The following EML4 variants were observed in gnomAD, a reference collection of about 807,000 sequenced individuals.
EML4 encodes echinoderm microtubule-associated protein-like 4.
In EML4, 72 loss-of-function variants were observed where a neutral mutation model predicts 129.0. The observed-to-expected ratio is 0.56, with a 90% CI of 0.46 to 0.68. The LOEUF (loss-of-function observed/expected upper bound fraction) is 0.68. Ranked by LOEUF, EML4 falls within the 30% of genes least tolerant of loss-of-function variation. The pLI, the probability that EML4 is intolerant of heterozygous loss-of-function variation, is 0.00. For synonymous variants in EML4, 532 were observed against 405.0 expected, an observed-to-expected ratio of 1.31 and a Z score of -3.77; for missense variants, 1,363 against 1,190.6, an observed-to-expected ratio of 1.14 and a Z score of -2.13.
chr2:42,292,781 G>T (rs1295500960), intron 11 of EML4, among the ~76,000 whole-genome samples: 1 of 152,106 alleles, frequency 6.6e-6, no homozygotes, highest in African/African-American at 2.4e-5. Flanking sequence ...TCAATAAAAA[G>T]TTAAAAGGAT....
intron 1 of EML4, among the ~76,000 whole-genome samples, chr2:42,203,782 C>A (rs1672378130): frequency 6.6e-6 from 1 of 151,604 alleles, no homozygotes. Context: ...ACAAAAAGGC[C>A]TGGACCTCAA....
intron 10 of EML4, 145 bp from the exon 11 acceptor site, chr2:42,288,082 T>C (rs1667412820): frequency 4.8e-6 from 2 of 416,004 alleles, no homozygotes; most frequent in Non-Finnish European, 8.6e-6. Context: ...TAGTAAATAG[T>C]GTATTCATTA....
intron 6 of EML4, among the ~76,000 whole-genome samples, chr2:42,269,256 T>C (rs901854441): frequency 2.0e-5 from 3 of 152,184 alleles, no homozygotes; most frequent in Non-Finnish European, 4.4e-5. Context: ...TATCAAATAA[T>C]TTAAAAATAA....
intron 6 of EML4, 131 bp downstream of exon 6, chr2:42,264,862 C>T: frequency 6.6e-7 from 1 of 1,515,592 alleles, no homozygotes; most frequent in African/African-American, 1.4e-5. Context: ...TTACTGTAGT[C>T]ATTTAGGAAA....
At chr2:42,292,832 C>G (rs993121944) in intron 11 of EML4, among the ~76,000 whole-genome samples, 1 of 152,110 alleles carries the variant, frequency 6.6e-6, no homozygotes, top group African/African-American at 2.4e-5. Flanking sequence ...GTGATTTAAA[C>G]TCATAGATTT....
intron 6 of EML4, among the ~76,000 whole-genome samples, chr2:42,274,111 G>C (rs1277750101): frequency 1.3e-5 from 2 of 152,160 alleles, no homozygotes; most frequent in Non-Finnish European, 2.9e-5. Flanking sequence ...TTGGGAAGTA[G>C]AGACTGATAG....
intron 14 of EML4, 135 bp downstream of exon 14, chr2:42,301,527 G>A: frequency 3.2e-6 from 2 of 625,276 alleles, no homozygotes; most frequent in Non-Finnish European, 5.0e-6. Flanking sequence ...CAAGAAAGGA[G>A]TTTGTTGTTG....
chr2:42,199,410 TTGATTGA>T (rs1300072535), intron 1 of EML4, among the ~76,000 whole-genome samples: 2 of 152,038 alleles, frequency 1.3e-5, no homozygotes, highest in Non-Finnish European at 2.9e-5. Flanking sequence ...GACTGAGAAG[TTGATTGA>T]TGATAATGAT....
At chr2:42,171,026 TAGG>T (rs1670242645) in intron 1 of EML4, among the ~76,000 whole-genome samples, 1 of 152,226 alleles carries the variant, frequency 6.6e-6, no homozygotes, top group Non-Finnish European at 1.5e-5. Flanking sequence ...AATCCTAAAA[TAGG>T]AGGCAACTGA....
intron 1 of EML4, among the ~76,000 whole-genome samples, chr2:42,209,673 C>A (rs1251205345): frequency 6.6e-6 from 1 of 152,166 alleles, no homozygotes. Context: ...CTCACGCCTG[C>A]AATCCCAGCA....
chr2:42,202,923 G>A (rs1354102953), intron 1 of EML4, among the ~76,000 whole-genome samples: 1 of 152,102 alleles, frequency 6.6e-6, no homozygotes, highest in African/African-American at 2.4e-5. Context: ...AGTTGCTTAG[G>A]AGGCTAAGAC....
At chr2:42,302,680 C>T (rs1668355571) in intron 14 of EML4, among the ~76,000 whole-genome samples, 2 of 151,954 alleles carry the variant, frequency 1.3e-5, no homozygotes, top group East Asian at 3.9e-4. Context: ...ATTATAGGCG[C>T]CCGCCACCGC....
chr2:42,238,862 C>T (rs1674848268), intron 1 of EML4, among the ~76,000 whole-genome samples: 1 of 152,178 alleles, frequency 6.6e-6, no homozygotes, highest in Non-Finnish European at 1.5e-5. Flanking sequence ...TGCCTTACTG[C>T]AGCCGTGACC....
At chr2:42,222,613 G>T (rs1305662239) in intron 1 of EML4, among the ~76,000 whole-genome samples, 1 of 152,062 alleles carries the variant, frequency 6.6e-6, no homozygotes, top group East Asian at 1.9e-4. Context: ...GCCAACCCCT[G>T]TTCTTCATGT....
At chr2:42,315,651 A>C (rs1669206215) in intron 17 of EML4, among the ~76,000 whole-genome samples, 1 of 152,152 alleles carries the variant, frequency 6.6e-6, no homozygotes, top group African/African-American at 2.4e-5. Context: ...AGGTGGGAGG[A>C]CTGCTTGAGG....
intron 17 of EML4, among the ~76,000 whole-genome samples, chr2:42,312,592 C>T (rs575512936): frequency 1.7e-4 from 26 of 151,484 alleles, no homozygotes; most frequent in South Asian, 4.2e-4. Flanking sequence ...CTTGCTCTGT[C>T]GCCCAGGCTG....
intron 1 of EML4, among the ~76,000 whole-genome samples, chr2:42,212,195 TGTG>T (rs1383722649): frequency 1.3e-5 from 2 of 152,204 alleles, no homozygotes; most frequent in Non-Finnish European, 2.9e-5. Context: ...CTTTAAGCCT[TGTG>T]GTACTCAGCT....
intron 6 of EML4, among the ~76,000 whole-genome samples, chr2:42,266,996 G>T (rs1490389700): frequency 6.6e-6 from 1 of 152,184 alleles, no homozygotes; most frequent in Admixed American, 6.5e-5. Flanking sequence ...ATGTAGAGAT[G>T]TATAGCAAAC....
Position 42,330,611 on chromosome 2 carries a change from C to CTGT in EML4, c.*405_*407dup, listed in dbSNP as rs934264075. On this transcript the variant is annotated 3_prime_UTR_variant, in exon 23 of 23. Coordinates refer to ENST00000318522, the MANE Select transcript of EML4 (RefSeq NM_019063.5). ...ACTGTTACTCATCTACTGGCTCAGACTGTACTACTTTTTTTTTTTTTTTTC... is the reference window on the plus strand; with the variant it reads ...ACTGTTACTCATCTACTGGCTCAGACTGTTGTACTACTTTTTTTTTTTTTTTTC... 3.2e-6 allele frequency: 1 copy of CTGT among 308,384 alleles called. No individual in the cohort carries two copies. Among genetic ancestry groups the CTGT allele is most frequent in the African/African-American group, 2.1e-5 (1 of 46,574 alleles). 19.1% of individuals were successfully genotyped at this position (308,384 alleles called of 1,614,324 possible).
Sources: gnomAD v4.1 joint callset for allele counts (sites outside exome capture counted in the v4.1 genomes callset) on GRCh38, gnomAD v4.1.1 for gene constraint, MANE v1.5 for transcripts, NCBI Gene and HGNC (gene_info 2026-07-23, HGNC 2026-07-21) for gene names.